The following RBFOX1 variants were observed in gnomAD, a reference collection of about 807,000 sequenced individuals.
RBFOX1 encodes the protein RNA binding fox-1 homolog 1, also known as RNA binding protein fox-1 homolog 1.
In RBFOX1, 8 loss-of-function variants were observed where a neutral mutation model predicts 57.7. The ratio of observed to expected loss-of-function variants is 0.14; its 90% CI spans 0.08 to 0.25. The LOEUF (loss-of-function observed/expected upper bound fraction) is 0.25, where lower values mean the gene tolerates loss of function less well. Among genes scored for constraint, RBFOX1 ranks in the 10% least tolerant of loss-of-function variants. The pLI, the probability that RBFOX1 is intolerant of heterozygous loss-of-function variation, is 1.00. For missense variants in RBFOX1, 611 were observed against 548.5 expected, an observed-to-expected ratio of 1.11 and a Z score of -1.14; for synonymous variants, 326 against 222.4, an observed-to-expected ratio of 1.47 and a Z score of -4.15.
chr16:7,192,831 C>T (rs1293035303), intron 4 of RBFOX1, among the ~76,000 whole-genome samples: 1 of 152,156 alleles, frequency 6.6e-6, no homozygotes, highest in East Asian at 1.9e-4. Context: ...TTGGAACATA[C>T]AAAACACACT....
At chr16:6,458,620 T>C (rs1030100975) in intron 2 of RBFOX1, among the ~76,000 whole-genome samples, 1 of 152,178 alleles carries the variant, frequency 6.6e-6, no homozygotes, top group African/African-American at 2.4e-5. Flanking sequence ...GTTTCCTAAG[T>C]TGATCAAACT....
At chr16:5,741,859 C>G (rs969751472) in intron 3 of RBFOX1, among the ~76,000 whole-genome samples, 2 of 152,110 alleles carry the variant, frequency 1.3e-5, no homozygotes, top group Non-Finnish European at 2.9e-5. Flanking sequence ...ACACTTAATG[C>G]CTACCTTAAT....
At chr16:5,791,099 C>G (rs1025064593) in intron 3 of RBFOX1, among the ~76,000 whole-genome samples, 1 of 152,014 alleles carries the variant, frequency 6.6e-6, no homozygotes, top group Non-Finnish European at 1.5e-5. Flanking sequence ...AGCTCCTGGC[C>G]TCAAGTGATC....
intron 1 of RBFOX1, among the ~76,000 whole-genome samples, chr16:6,095,410 T>A (rs1171436849): frequency 6.6e-6 from 1 of 152,200 alleles, no homozygotes; most frequent in Non-Finnish European, 1.5e-5. Flanking sequence ...TCTGTGCACT[T>A]TCTGTGGAGC....
intron 2 of RBFOX1, among the ~76,000 whole-genome samples, chr16:5,522,451 A>G (rs1271972622): frequency 1.3e-5 from 2 of 152,258 alleles, no homozygotes; most frequent in Non-Finnish European, 2.9e-5. Flanking sequence ...AGGTACATGT[A>G]GTATTTCATT....
chr16:7,686,702 G>A (rs1414070873), intron 14 of RBFOX1, among the ~76,000 whole-genome samples: 3 of 152,074 alleles, frequency 2.0e-5, no homozygotes, highest in Non-Finnish European at 4.4e-5. Context: ...TGAAGAAACT[G>A]AGGTCCAGAC....
intron 4 of RBFOX1, among the ~76,000 whole-genome samples, chr16:7,514,259 C>G (rs1253643556): frequency 6.6e-6 from 1 of 152,138 alleles, no homozygotes; most frequent in African/African-American, 2.4e-5. Context: ...TTTACAAAAA[C>G]AAAATTTGGG....
At chr16:5,890,682 CAG>C (rs1261623665) in intron 4 of RBFOX1, among the ~76,000 whole-genome samples, 2 of 116,536 alleles carry the variant, frequency 1.7e-5, no homozygotes, top group East Asian at 2.7e-4. Flanking sequence ...GGGTGACAGA[CAG>C]AGAGTCTGTA....
chr16:7,066,052 G>C (rs1370988763), intron 4 of RBFOX1, among the ~76,000 whole-genome samples: 1 of 152,158 alleles, frequency 6.6e-6, no homozygotes, highest in Admixed American at 6.5e-5. Context: ...GGGGAAAAAA[G>C]TTTTGCAAAC....
intron 1 of RBFOX1, among the ~76,000 whole-genome samples, chr16:6,045,671 C>G (rs1286451935): frequency 6.6e-6 from 1 of 152,120 alleles, no homozygotes; most frequent in African/African-American, 2.4e-5. Context: ...TAGATTAACT[C>G]AACTAAATAA....
chr16:5,830,477 G>A (rs538526101), intron 3 of RBFOX1, among the ~76,000 whole-genome samples: 1 of 152,034 alleles, frequency 6.6e-6, no homozygotes, highest in African/African-American at 2.4e-5. Context: ...ATTGTATAGA[G>A]GCCGGGACTG....
chr16:5,881,316 G>A (rs1304841720), intron 4 of RBFOX1, among the ~76,000 whole-genome samples: 1 of 152,142 alleles, frequency 6.6e-6, no homozygotes, highest in African/African-American at 2.4e-5. Context: ...TGGTAGTGAT[G>A]GCATCTCTGC....
chr16:5,466,512 C>T (rs2068958603), intron 1 of RBFOX1, among the ~76,000 whole-genome samples: 1 of 152,162 alleles, frequency 6.6e-6, no homozygotes, highest in Non-Finnish European at 1.5e-5. Context: ...GTGAGGTCTT[C>T]CTCAAGGCAG....
At chr16:6,950,426 A>G (rs1598173634) in intron 3 of RBFOX1, among the ~76,000 whole-genome samples, 1 of 152,186 alleles carries the variant, frequency 6.6e-6, no homozygotes, top group African/African-American at 2.4e-5. Context: ...GAACAGGGTA[A>G]TGATTCAGCA....
chr16:5,686,981 C>T (rs548125819), intron 3 of RBFOX1, among the ~76,000 whole-genome samples: 68 of 152,234 alleles, frequency 4.5e-4, no homozygotes, highest in African/African-American at 1.5e-3. Context: ...ATATCAAAGT[C>T]ATTGCATTTT....
chr16:5,990,678 T>C (rs2060377374), intron 4 of RBFOX1, among the ~76,000 whole-genome samples: 1 of 151,952 alleles, frequency 6.6e-6, no homozygotes, highest in South Asian at 2.1e-4. Context: ...AAAGAGGAAG[T>C]GAATTTGGGC....
chr16:5,430,432 G>A (rs1226511698), intron 1 of RBFOX1, among the ~76,000 whole-genome samples: 1 of 152,216 alleles, frequency 6.6e-6, no homozygotes. Context: ...GGTGAGACAG[G>A]GAGGGCAGGT....
chr16:7,364,486 C>G (rs933291916), intron 4 of RBFOX1, among the ~76,000 whole-genome samples: 9 of 147,704 alleles, frequency 6.1e-5, no homozygotes, highest in African/African-American at 2.3e-4. Flanking sequence ...TGCTGAGTTT[C>G]AAGTACTAGA....
intron 3 of RBFOX1, among the ~76,000 whole-genome samples, chr16:6,778,977 CT>C (rs1371295002): frequency 6.6e-6 from 1 of 151,800 alleles, no homozygotes; most frequent in African/African-American, 2.4e-5. Flanking sequence ...TTGAAGTAGC[CT>C]AACTTTAAAT....
Sources: gnomAD v4.1 joint callset for allele counts (sites outside exome capture counted in the v4.1 genomes callset) on GRCh38, gnomAD v4.1.1 for gene constraint, MANE v1.5 for transcripts, NCBI Gene and HGNC (gene_info 2026-07-23, HGNC 2026-07-21) for gene names.